Variants in SYT1 observed in about 807,000 individuals in gnomAD.
SYT1 encodes the protein synaptotagmin-1.
SYT1 carries 8 observed loss-of-function variants against 44.8 expected under a neutral mutation model. That is an observed-to-expected ratio of 0.18 (90% CI 0.10 to 0.32). The LOEUF (loss-of-function observed/expected upper bound fraction) is 0.32. Among genes scored for constraint, SYT1 ranks in the 10% least tolerant of loss-of-function variants. The probability of loss-of-function intolerance (pLI) is 1.00; values close to 1 mark genes in which losing one functional copy is unlikely to be tolerated. For synonymous variants in SYT1, 154 were observed against 188.8 expected (o/e 0.82, Z 1.51); for missense variants, 286 against 509.3 (o/e 0.56, Z 4.22).
At chr12:78,933,406 A>G (rs1877863262) in intron 1 of SYT1, among the ~76,000 whole-genome samples, 1 of 152,208 alleles carries the variant, frequency 6.6e-6, no homozygotes. Flanking sequence ...ACATTTTAGC[A>G]TATATTATCA....
intron 1 of SYT1, among the ~76,000 whole-genome samples, chr12:78,883,525 G>A (rs1874577117): frequency 6.6e-6 from 1 of 151,540 alleles, no homozygotes; most frequent in South Asian, 2.1e-4. Flanking sequence ...TGTTTCCCTA[G>A]ATTAAATCAC....
intron 1 of SYT1, among the ~76,000 whole-genome samples, chr12:78,873,354 C>T (rs1023026708): frequency 2.0e-5 from 3 of 151,586 alleles, no homozygotes; most frequent in African/African-American, 7.3e-5. Flanking sequence ...CTTTATTTAT[C>T]CCACTGAAAA....
At chr12:79,368,386 G>T (rs1331180409) in intron 9 of SYT1, among the ~76,000 whole-genome samples, 2 of 152,112 alleles carry the variant, frequency 1.3e-5, no homozygotes, top group Non-Finnish European at 2.9e-5. Flanking sequence ...ACAGCAGCAT[G>T]ATTTATAGTC....
At chr12:78,991,955 G>A (rs185271483) in intron 2 of SYT1, among the ~76,000 whole-genome samples, 29 of 152,164 alleles carry the variant, frequency 1.9e-4, no homozygotes, top group Non-Finnish European at 3.1e-4. Flanking sequence ...ACTTTATTCT[G>A]CAGCCTCAGA....
chr12:79,175,000 A>G (rs1408498523), intron 3 of SYT1, among the ~76,000 whole-genome samples: 1 of 152,054 alleles, frequency 6.6e-6, no homozygotes, highest in Admixed American at 6.6e-5. Context: ...GAAAGCTTGT[A>G]TGGAAAGTGT....
chr12:78,895,951 T>C (rs1011361154), intron 1 of SYT1, among the ~76,000 whole-genome samples: 25 of 151,766 alleles, frequency 1.6e-4, no homozygotes, highest in African/African-American at 6.0e-4. Context: ...GCTATTTAGT[T>C]ACCATGCAAT....
At chr12:79,117,712 T>TATATATAA (rs1555199608) in intron 3 of SYT1, among the ~76,000 whole-genome samples, 8 of 85,300 alleles carry the variant, frequency 9.4e-5, no homozygotes, top group Non-Finnish European at 1.4e-4. Context: ...TATATATATA[T>TATATATAA]ATAAAATAAA....
At chr12:78,919,637 T>G (rs150334875) in intron 1 of SYT1, among the ~76,000 whole-genome samples, 1 of 152,188 alleles carries the variant, frequency 6.6e-6, no homozygotes, top group East Asian at 1.9e-4. Context: ...GCATGTATAT[T>G]TACTGCTTCC....
chr12:79,179,281 G>T (rs1461294081), intron 3 of SYT1, among the ~76,000 whole-genome samples: 18 of 118,612 alleles, frequency 1.5e-4, no homozygotes, highest in African/African-American at 4.1e-4. Flanking sequence ...TATAGATATA[G>T]ATATATAGAT....
rs527523909 is a variant in SYT1, at chr12:79,272,645, G to T, written c.167-13142G>T. Among the ~76,000 whole-genome samples the T allele has an allele frequency of 2.0e-5, 3 of 152,304 alleles. No homozygotes were observed. The South Asian group carries it at 6.2e-4, about 32-fold the overall frequency. On this transcript the variant is annotated intron_variant, in intron 4 of 10. Coordinates refer to ENST00000261205, the MANE Select transcript of SYT1 (RefSeq NM_005639.3). ...ACACTCCTGGAGTATAGAATAGGGA[G>T]TAGAATAGAGTAACTGAACGAGTAG...
chr12:79,327,017 A>T (rs1394586447), intron 8 of SYT1, among the ~76,000 whole-genome samples: 1 of 152,152 alleles, frequency 6.6e-6, no homozygotes, highest in Non-Finnish European at 1.5e-5. Flanking sequence ...CAGAAATCAA[A>T]TTATAAGAAA....
At chr12:79,219,953 T>C in intron 4 of SYT1, among the ~76,000 whole-genome samples, 1 of 152,046 alleles carries the variant, frequency 6.6e-6, no homozygotes, top group South Asian at 2.1e-4. Flanking sequence ...CTTTGTAAAA[T>C]GAGTTTGGAA....
At chr12:79,080,845 C>T (rs534163521) in intron 3 of SYT1, among the ~76,000 whole-genome samples, 92 of 152,260 alleles carry the variant, frequency 6.0e-4, no homozygotes, top group African/African-American at 2.1e-3. Context: ...TTCAATACTT[C>T]GTCAAAACAG....
chr12:79,147,397 C>T (rs1182644609), intron 3 of SYT1, among the ~76,000 whole-genome samples: 1 of 152,010 alleles, frequency 6.6e-6, no homozygotes, highest in Admixed American at 6.6e-5. Context: ...AATTAAAAGA[C>T]AAAGAAAGGA....
intron 2 of SYT1, among the ~76,000 whole-genome samples, chr12:79,031,293 A>T (rs1346317928): frequency 1.3e-5 from 2 of 151,056 alleles, no homozygotes; most frequent in African/African-American, 4.8e-5. Flanking sequence ...ATTTTATTTT[A>T]TGCCTTCTGC....
At chr12:79,378,028 G>T (rs998194280) in intron 9 of SYT1, among the ~76,000 whole-genome samples, 43 of 152,266 alleles carry the variant, frequency 2.8e-4, no homozygotes, top group African/African-American at 1.0e-3. Flanking sequence ...AAAGGTGTTA[G>T]CTAGAGTGTG....
chr12:78,881,769 G>GAA (rs1017222170), intron 1 of SYT1, among the ~76,000 whole-genome samples: 1 of 149,164 alleles, frequency 6.7e-6, no homozygotes, highest in Non-Finnish European at 1.5e-5. Flanking sequence ...GGAAAAGATA[G>GAA]AAAAAAAAAG....
At chr12:79,315,087 T>C (rs1373534952) in intron 8 of SYT1, among the ~76,000 whole-genome samples, 5 of 152,224 alleles carry the variant, frequency 3.3e-5, no homozygotes, top group Non-Finnish European at 5.9e-5. Flanking sequence ...ACCCAGTGAA[T>C]ATACTAAAAT....
intron 1 of SYT1, among the ~76,000 whole-genome samples, chr12:78,944,194 G>C (rs537528600): frequency 6.6e-6 from 1 of 151,364 alleles, no homozygotes; most frequent in Non-Finnish European, 1.5e-5. Context: ...CTTAGAGGAA[G>C]GTTTTTCTTT....
Sources: gnomAD v4.1 joint callset for allele counts (sites outside exome capture counted in the v4.1 genomes callset) on GRCh38, gnomAD v4.1.1 for gene constraint, MANE v1.5 for transcripts, NCBI Gene and HGNC (gene_info 2026-07-23, HGNC 2026-07-21) for gene names.